The following TSHR variants were observed in gnomAD, a reference collection of about 807,000 sequenced individuals.
TSHR encodes the protein thyroid stimulating hormone receptor.
TSHR carries 51 observed loss-of-function variants against 64.1 expected under a neutral mutation model. The ratio of observed to expected loss-of-function variants is 0.80; its 90% CI spans 0.64 to 1.01. The LOEUF (loss-of-function observed/expected upper bound fraction) is 1.01, where lower values mean the gene tolerates loss of function less well. Among genes scored for constraint, TSHR ranks in the 50% least tolerant of loss-of-function variants. The probability of loss-of-function intolerance (pLI) is 0.00; values close to 1 mark genes in which losing one functional copy is unlikely to be tolerated. For synonymous variants in TSHR, 361 were observed against 361.9 expected, an observed-to-expected ratio of 1.00 and a Z score of 0.03; for missense variants, 877 against 942.8, an observed-to-expected ratio of 0.93 and a Z score of 0.91.
intron 2 of TSHR, 66 bp downstream of exon 2, chr14:81,062,285 C>A: frequency 8.1e-7 from 1 of 1,236,152 alleles, no homozygotes; most frequent in Non-Finnish European, 1.2e-6. Context: ...CGTGTTCTAT[C>A]AAGAAAAATA....
At chr14:81,025,356 T>C (rs752631886) in intron 1 of TSHR, among the ~76,000 whole-genome samples, 4 of 152,206 alleles carry the variant, frequency 2.6e-5, no homozygotes, top group Non-Finnish European at 4.4e-5. Flanking sequence ...GGATTCAATA[T>C]GTTTATTTTT....
At chr14:81,019,458 T>A (rs1461395546) in intron 1 of TSHR, among the ~76,000 whole-genome samples, 2 of 87,608 alleles carry the variant, frequency 2.3e-5, no homozygotes, top group African/African-American at 1.0e-4. Context: ...TCATCAATTC[T>A]TTTTTTTTTT....
intron 1 of TSHR, among the ~76,000 whole-genome samples, chr14:80,985,290 T>C (rs557099127): frequency 6.6e-6 from 1 of 152,336 alleles, no homozygotes; most frequent in Non-Finnish European, 1.5e-5. Flanking sequence ...GCTTTTTTCC[T>C]CCTTGCAAAA....
intron 1 of TSHR, chr14:81,003,516 C>T (rs553690197): frequency 1.1e-3 from 239 of 222,902 alleles, no homozygotes; most frequent in African/African-American, 5.3e-3. Flanking sequence ...TACTTGGTGG[C>T]TTTTCATATA....
At chr14:81,018,139 G>C (rs117587179) in intron 1 of TSHR, among the ~76,000 whole-genome samples, 1,801 of 152,176 alleles carry the variant, frequency 0.012, 20 homozygotes, top group African/African-American at 0.016. Context: ...TGAATTGCTG[G>C]CTTTTCTTTC....
chr14:81,026,669 T>TA (rs1023030369), intron 1 of TSHR, among the ~76,000 whole-genome samples: 1 of 151,666 alleles, frequency 6.6e-6, no homozygotes, highest in African/African-American at 2.4e-5. Context: ...GATAAGGCAA[T>TA]AAAAAATGTT....
chr14:80,981,700 C>A (rs1365957405), intron 1 of TSHR, among the ~76,000 whole-genome samples: 1 of 152,140 alleles, frequency 6.6e-6, no homozygotes, highest in Non-Finnish European at 1.5e-5. Flanking sequence ...AGGTCCATCA[C>A]CGCTGGTAGC....
chr14:81,022,293 CA>C lies in TSHR; in HGVS notation c.171-39848del, dbSNP rs1034428608. ...TCAAAAACAAAAACAAAACAAACAACAAAAAAATTACAGTAATTACTGTGGG... is the reference window on the plus strand; with the variant it reads ...TCAAAAACAAAAACAAAACAAACAACAAAAAATTACAGTAATTACTGTGGG... On this transcript the variant is annotated intron_variant, in intron 1 of 9. Coordinates refer to ENST00000298171, the MANE Select transcript of TSHR (RefSeq NM_000369.5). Among the ~76,000 whole-genome samples, 573 of 151,988 alleles carry C rather than the reference CA, an allele frequency of 3.8e-3. 7 individuals carry two copies. The highest frequency in any genetic ancestry group is 0.013 in the African/African-American group (557 of 41,468).
At chr14:81,124,329 C>T (rs1381771954) in intron 8 of TSHR, among the ~76,000 whole-genome samples, 1 of 151,798 alleles carries the variant, frequency 6.6e-6, no homozygotes, top group Admixed American at 6.6e-5. Flanking sequence ...GGTGAATACA[C>T]GATTTTCTAG....
intron 8 of TSHR, among the ~76,000 whole-genome samples, chr14:81,132,513 C>T (rs1203691563): frequency 2.0e-5 from 3 of 152,170 alleles, no homozygotes; most frequent in African/African-American, 4.8e-5. Flanking sequence ...ATATTCTTCT[C>T]TGTATATAAT....
At chr14:81,139,897 A>G in intron 9 of TSHR, 30 bp downstream of exon 9, 1 of 1,613,266 alleles carries the variant, frequency 6.2e-7, no homozygotes, top group Non-Finnish European at 8.5e-7. Flanking sequence ...CATAAGTGAC[A>G]AAAGACCTTG....
chr14:81,064,365 A>C (rs79035378), intron 2 of TSHR, among the ~76,000 whole-genome samples: 1,745 of 152,230 alleles, frequency 0.011, 22 homozygotes, highest in Non-Finnish European at 0.018. Context: ...TAGGCAGAGA[A>C]GTGTTTTGTA....
intron 8 of TSHR, among the ~76,000 whole-genome samples, chr14:81,122,020 C>CTTTTTTTGTTTTTTTTTTTTTT (rs1890816984): frequency 2.2e-5 from 1 of 44,880 alleles, no homozygotes; most frequent in East Asian, 6.5e-4. Flanking sequence ...TTTTCTTTTC[C>CTTTTTTTGTTTTTTTTTTTTTT]TTTTTTTTTT....
chr14:81,029,550 G>T (rs1015853314), intron 1 of TSHR, among the ~76,000 whole-genome samples: 34 of 152,066 alleles, frequency 2.2e-4, no homozygotes, highest in African/African-American at 8.2e-4. Flanking sequence ...TATGTGACTT[G>T]ATTTTCAGTT....
chr14:81,037,811 T>A (rs148656646), intron 1 of TSHR, among the ~76,000 whole-genome samples: 7 of 151,834 alleles, frequency 4.6e-5, no homozygotes, highest in Non-Finnish European at 1.0e-4. Context: ...CACCCAACAC[T>A]AGAGCATATA....
chr14:80,973,380 C>T lies in TSHR; in HGVS notation c.170+17530C>T, dbSNP rs1389046545. Among the ~76,000 whole-genome samples, 91 of 93,072 alleles carry T rather than the reference C, an allele frequency of 9.8e-4. 1 individual carries two copies. The highest frequency in any genetic ancestry group is 7.6e-3 in the Middle Eastern group (1 of 132). 61.1% of individuals were successfully genotyped at this position (93,072 alleles called of 152,430 possible). A position where few individuals can be genotyped will look rare whatever the true frequency, so the allele number is the denominator to read the frequency against. On this transcript the variant is annotated intron_variant, in intron 1 of 9. Coordinates refer to ENST00000298171, the MANE Select transcript of TSHR (RefSeq NM_000369.5). Reference sequence around the variant, plus strand: ...GAGATCGCGCCACTGCACTCACGCCCGGGTGACAGCGAGACGCTGTCTCAA... The same window carrying T: ...GAGATCGCGCCACTGCACTCACGCCTGGGTGACAGCGAGACGCTGTCTCAA...
At chr14:80,973,348 G>A (rs1320387335) in intron 1 of TSHR, among the ~76,000 whole-genome samples, 1 of 138,792 alleles carries the variant, frequency 7.2e-6, no homozygotes, top group Non-Finnish European at 1.5e-5. Flanking sequence ...GGAGCCTGCA[G>A]TGAGCCGAGA....
chr14:81,008,990 C>T (rs1253829547), intron 1 of TSHR, among the ~76,000 whole-genome samples: 1 of 152,160 alleles, frequency 6.6e-6, no homozygotes, highest in African/African-American at 2.4e-5. Flanking sequence ...AAAATTTAAA[C>T]CCACATTAAA....
chr14:81,092,784 C>T (rs1888857915), intron 6 of TSHR, among the ~76,000 whole-genome samples, 176 bp downstream of exon 6: 1 of 152,264 alleles, frequency 6.6e-6, no homozygotes, highest in Middle Eastern at 3.4e-3. Flanking sequence ...CTGTAGACTA[C>T]AAAACAGTTT....
Sources: allele counts gnomAD v4.1 joint callset (sites outside exome capture counted in the v4.1 genomes callset), GRCh38; gene constraint gnomAD v4.1.1; transcripts MANE v1.5; gene names NCBI Gene and HGNC (gene_info 2026-07-23, HGNC 2026-07-21).